CDKL5: variants seen among roughly 807,000 people sequenced by gnomAD.
CDKL5 encodes the protein cyclin-dependent kinase-like 5.
Under a neutral mutation model 61.7 loss-of-function variants are expected in CDKL5, and 8 were observed. The observed-to-expected ratio is 0.13, with a 90% CI of 0.08 to 0.23. The LOEUF is 0.23. Among genes scored for constraint, CDKL5 ranks in the 10% least tolerant of loss-of-function variants. The pLI is 1.00. For missense variants in CDKL5, 440 were observed against 734.5 expected (o/e 0.60, Z 4.63); for synonymous variants, 275 against 272.3 (o/e 1.01, Z -0.10).
At chrX:18,503,770 C>T (rs1922470137) in intron 1 of CDKL5, among the ~76,000 whole-genome samples, 1 of 112,300 alleles carries the variant, frequency 8.9e-6, no homozygotes, top group Non-Finnish European at 1.9e-5. Context: ...GAGACAGGGT[C>T]TTGCGGTGTT....
At chrX:18,439,877 T>C (rs1931699109) in intron 1 of CDKL5, among the ~76,000 whole-genome samples, 1 of 108,563 alleles carries the variant, frequency 9.2e-6, no homozygotes, top group Non-Finnish European at 1.9e-5. Flanking sequence ...TATACTGTAG[T>C]CTATTAAGTG....
At chrX:18,652,647 C>T (rs1159716237) in intron 21 of CDKL5, among the ~76,000 whole-genome samples, 3 of 106,442 alleles carry the variant, frequency 2.8e-5, no homozygotes, top group Non-Finnish European at 3.9e-5. Context: ...CCAGCTTGGG[C>T]AACAGAGCCA....
At chrX:18,475,029 T>C (rs1921252370) in intron 1 of CDKL5, among the ~76,000 whole-genome samples, 1 of 106,580 alleles carries the variant, frequency 9.4e-6, no homozygotes, top group Non-Finnish European at 1.9e-5. Context: ...CAATCTCAGC[T>C]CACTGCAACC....
rs189990116 is a variant in CDKL5, at chrX:18,504,432, A to G, written c.-162-2503A>G. 4.4e-3 allele frequency among the ~76,000 whole-genome samples: 491 copies of G among 112,037 alleles called. 2 individuals are homozygous for G. Among genetic ancestry groups the G allele is most frequent in the Middle Eastern group, 0.042 (9 of 215 alleles). ...CATGTTCTTAAGTTTTAAAGGGACT[A>G]TGTCTACTGCTTCACATTTAAGAAT... On this transcript the variant is annotated intron_variant, in intron 1 of 17. Coordinates refer to ENST00000623535, the MANE Select transcript of CDKL5 (RefSeq NM_001323289.2).
intron 3 of CDKL5, among the ~76,000 whole-genome samples, chrX:18,547,456 T>A (rs1488262662): frequency 8.9e-6 from 1 of 112,421 alleles, no homozygotes; most frequent in Non-Finnish European, 1.9e-5. Flanking sequence ...TTTTAGAGAA[T>A]ATTATTTAAA....
At chrX:18,476,257 C>T (rs1921305969) in intron 1 of CDKL5, among the ~76,000 whole-genome samples, 1 of 110,963 alleles carries the variant, frequency 9.0e-6, no homozygotes, top group African/African-American at 3.3e-5. Flanking sequence ...ACTGTGTTGC[C>T]CAGGCTGGAG....
intron 8 of CDKL5, among the ~76,000 whole-genome samples, chrX:18,585,972 T>TA (rs765911931): frequency 8.9e-5 from 10 of 111,830 alleles, no homozygotes; most frequent in Non-Finnish European, 1.7e-4. Flanking sequence ...ACTGAGGGTT[T>TA]ATTTTGATAT....
At chrX:18,505,960 C>G (rs1922562304) in intron 1 of CDKL5, among the ~76,000 whole-genome samples, 1 of 112,836 alleles carries the variant, frequency 8.9e-6, no homozygotes, top group Non-Finnish European at 1.9e-5. Context: ...AATTTTATCA[C>G]TACATTTATT....
rs77455267 is a variant in CDKL5, at chrX:18,632,227, G to A, written c.*3470G>A. 37 of 751,901 alleles carry A rather than the reference G, an allele frequency of 4.9e-5. No individual in the cohort carries two copies. Among genetic ancestry groups the A allele is most frequent in the Non-Finnish European group, 5.6e-5 (36 of 638,583 alleles). 62.0% of individuals were successfully genotyped at this position (751,901 alleles called of 1,213,427 possible). A position where few individuals can be genotyped will look rare whatever the true frequency, so the allele number is the denominator to read the frequency against. On this transcript the variant is annotated 3_prime_UTR_variant, in exon 18 of 18. Transcript: ENST00000623535. ...TCTCTTAAGAGTCTTCAACCACTATGCCTGAATCCTTGGAATCCTATTGTT... is the reference window on the plus strand; with the variant it reads ...TCTCTTAAGAGTCTTCAACCACTATACCTGAATCCTTGGAATCCTATTGTT...
At chrX:18,499,998 A>G (rs369907141) in intron 1 of CDKL5, among the ~76,000 whole-genome samples, 85 of 111,409 alleles carry the variant, frequency 7.6e-4, no homozygotes, top group African/African-American at 2.7e-3. Flanking sequence ...ACATTTAAAG[A>G]TTTTATCTAG....
intron 1 of CDKL5, among the ~76,000 whole-genome samples, chrX:18,465,658 G>C (rs1007162792): frequency 9.0e-6 from 1 of 111,384 alleles, no homozygotes; most frequent in Non-Finnish European, 1.9e-5. Flanking sequence ...GATAGAGTGA[G>C]ACTCTGTCTC....
At chrX:18,493,667 T>C (rs1047807250) in intron 1 of CDKL5, among the ~76,000 whole-genome samples, 1 of 111,747 alleles carries the variant, frequency 8.9e-6, no homozygotes, top group East Asian at 2.8e-4. Flanking sequence ...GAAGTTTATT[T>C]TTCTTGGAGT....
At chrX:18,457,947 T>C (rs1932185847) in intron 1 of CDKL5, among the ~76,000 whole-genome samples, 1 of 65,168 alleles carries the variant, frequency 1.5e-5, no homozygotes, top group Non-Finnish European at 2.7e-5. Flanking sequence ...TGAGATGGAG[T>C]TTCACTCTTG....
At chrX:18,495,765 A>G (rs1922147481) in intron 1 of CDKL5, among the ~76,000 whole-genome samples, 1 of 111,798 alleles carries the variant, frequency 8.9e-6, no homozygotes, top group Non-Finnish European at 1.9e-5. Flanking sequence ...GAATTTTTAC[A>G]TGGGACAGAT....
chrX:18,482,422 C>T (rs1292643223), intron 1 of CDKL5, among the ~76,000 whole-genome samples: 1 of 111,892 alleles, frequency 8.9e-6, no homozygotes, highest in Non-Finnish European at 1.9e-5. Flanking sequence ...TAACTCACCT[C>T]TTCTCTTTGT....
chrX:18,570,919 G>T (rs1360890561), intron 4 of CDKL5, among the ~76,000 whole-genome samples: 1 of 111,211 alleles, frequency 9.0e-6, no homozygotes, highest in African/African-American at 3.3e-5. Context: ...TTTCCACCCT[G>T]CCATTTTGTC....
chrX:18,634,470 G>A lies in CDKL5; in HGVS notation c.*5713G>A, dbSNP rs1324079445. 1 of 752,472 alleles carries A rather than the reference G, an allele frequency of 1.3e-6. No individual in the cohort carries two copies. The highest frequency in any genetic ancestry group is 1.6e-6 in the Non-Finnish European group (1 of 639,037). 62.0% of individuals were successfully genotyped at this position (752,472 alleles called of 1,213,427 possible). On this transcript the variant is annotated 3_prime_UTR_variant, in exon 18 of 18. Coordinates refer to ENST00000623535, the MANE Select transcript of CDKL5 (RefSeq NM_001323289.2). ...AAAGCTCCGGTTCAAACTCTGTAGA[G>A]TTTCATGGAAAAACAAAACAAAACA...
At position 18,634,632 on chromosome X, in the gene CDKL5, T is replaced by C. The variant is rs990690742; in HGVS notation, c.*5875T>C. 2.7e-6 allele frequency: 2 copies of C among 751,961 alleles called. No homozygotes were observed. Among genetic ancestry groups the C allele is most frequent in the Non-Finnish European group, 3.1e-6 (2 of 638,916 alleles). 62.0% of individuals were successfully genotyped at this position (751,961 alleles called of 1,213,427 possible). ...CAATGATTCTGGCCCTCAGTCTGTT[T>C]CCCTCCCCTTGTTTACTCTTTGGTC... On this transcript the variant is annotated 3_prime_UTR_variant, in exon 18 of 18. Coordinates refer to ENST00000623535, the MANE Select transcript of CDKL5 (RefSeq NM_001323289.2).
chrX:18,617,207 C>T (rs1433360531), intron 15 of CDKL5, among the ~76,000 whole-genome samples: 1 of 111,627 alleles, frequency 9.0e-6, no homozygotes, highest in East Asian at 2.8e-4. Context: ...TGTTAGATAA[C>T]GTTAGAGTCC....
Sources: allele counts gnomAD v4.1 joint callset (sites outside exome capture counted in the v4.1 genomes callset), GRCh38; gene constraint gnomAD v4.1.1; transcripts MANE v1.5; gene names NCBI Gene and HGNC (gene_info 2026-07-23, HGNC 2026-07-21).